The following ARSI variants were observed in gnomAD, a reference collection of about 807,000 sequenced individuals.
The protein encoded by ARSI is arylsulfatase I.
Under a neutral mutation model 42.1 loss-of-function variants are expected in ARSI, and 37 were observed. That is an observed-to-expected ratio of 0.88 (90% CI 0.68 to 1.16). The LOEUF (loss-of-function observed/expected upper bound fraction) is 1.16. ARSI is among the 50% of genes most tolerant of loss of function. ARSI has a pLI of 0.00. For missense variants in ARSI, 725 were observed against 790.1 expected (o/e 0.92, Z 0.99); for synonymous variants, 305 against 320.3 (o/e 0.95, Z 0.51).
Position 150,302,077 on chromosome 5 carries a change from C to A in ARSI, c.297G>T (p.Gln99His). The A allele has an allele frequency of 6.3e-7, 1 of 1,590,718 alleles. No homozygotes were observed. Among genetic ancestry groups the A allele is most frequent in the East Asian group, 2.3e-5 (1 of 44,048 alleles). The stretch of plus-strand genomic sequence containing the variant: ...GCCACGCCTACCTGCCAGTGAGGAG[C>A]TGGCTCCGCGAAGGCGTGCAGATGG... The part of the protein sequence containing the change: ...IQPICTPSRS[Q>H]LLTGRYQIHT... Residue 99 changes from glutamine (Q) to histidine (H), a missense_variant, in exon 1 of 2, where the codon CAG (glutamine) becomes CAT (histidine). Transcript: ENST00000328668. The surrounding 1 kb of genome is among the most constrained non-coding windows in gnomAD (Gnocchi z 6.1).
Position 150,298,475 on chromosome 5 carries a change from A to G in ARSI, c.449T>C (p.Leu150Pro). The change falls in exon 2 of 2, where the codon CTG (leucine) becomes CCG (proline). Residue 150 changes from leucine (L) to proline (P), a missense_variant. Transcript: ENST00000328668. ...YSTHMVGKWH[L>P]GFYRKECLPT... Reference sequence around the variant, plus strand: ...CAGACACTCCTTCCGGTAGAAGCCCAGGTGCCACTTGCCCACCATATGGGT... The same window carrying G: ...CAGACACTCCTTCCGGTAGAAGCCCGGGTGCCACTTGCCCACCATATGGGT... 6.2e-7 allele frequency: 1 copy of G among 1,614,222 alleles called. No individual in the cohort carries two copies. Among genetic ancestry groups the G allele is most frequent in the Non-Finnish European group, 8.5e-7 (1 of 1,180,036 alleles).
intron 1 of ARSI, among the ~76,000 whole-genome samples, chr5:150,299,381 C>T (rs2150320973): frequency 6.6e-6 from 1 of 152,126 alleles, no homozygotes; most frequent in South Asian, 2.1e-4. Context: ...GGATTATACT[C>T]GTCTGCACAT....
At position 150,302,121 on chromosome 5, in the gene ARSI, C is replaced by T. The variant is rs1364110080; in HGVS notation, c.253G>A (p.Glu85Lys). The change falls in exon 1 of 2, where the codon GAG becomes AAG. Residue 85 changes from glutamate (E) to lysine (K), a missense_variant. Transcript: ENST00000328668. This position sits in a 1 kb window ranked among gnomAD's most constrained non-coding sequence, Gnocchi z 6.1. The stretch of plus-strand genomic sequence containing the variant: ...CAGATGGGCTGGATGTAATAATTCT[C>T]CAACTTGACCCCCTTGGCCGCCAGC... ...DRLAAKGVKL[E>K]NYYIQPICTP... 1 of 1,610,880 alleles carries T rather than the reference C, an allele frequency of 6.2e-7. No individual in the cohort carries two copies. Among genetic ancestry groups the T allele is most frequent in the Non-Finnish European group, 8.5e-7 (1 of 1,178,940 alleles).
chr5:150,297,238 G>A lies in ARSI; in HGVS notation c.1686C>T (p.Thr562=). ...ATCAGATCCGTTGGGACATTAGCCTGGTGTTGAGTTTACGGAAAAAGGATC... is the reference window on the plus strand; with the variant it reads ...ATCAGATCCGTTGGGACATTAGCCTAGTGTTGAGTTTACGGAAAAAGGATC... The part of the protein sequence containing the change: ...KLRSFFRKLN[T]RLMSQRI Residue 562 remains threonine, a synonymous_variant, in exon 2 of 2, where the codon ACC becomes ACT. Coordinates refer to ENST00000328668, the MANE Select transcript of ARSI (RefSeq NM_001012301.4). This position sits in a 1 kb window ranked among gnomAD's most constrained non-coding sequence, Gnocchi z 7.0. 1 of 1,582,378 alleles carries A rather than the reference G, an allele frequency of 6.3e-7. No individual in the cohort carries two copies. Among genetic ancestry groups the A allele is most frequent in the Non-Finnish European group, 8.6e-7 (1 of 1,165,840 alleles).
chr5:150,302,457 C>T lies in ARSI; in HGVS notation c.-84G>A, dbSNP rs547948468. ...CGCCCAGGGCGCACCACCGGCCCGC[C>T]GGCTCGGATGCTGCGAGGGAGTTCA... On this transcript the variant is annotated 5_prime_UTR_variant, in exon 1 of 2. Transcript: ENST00000328668. The surrounding 1 kb of genome is among the most constrained non-coding windows in gnomAD (Gnocchi z 6.1). 3 of 1,085,650 alleles carry T rather than the reference C, an allele frequency of 2.8e-6. No individual in the cohort carries two copies. Among genetic ancestry groups the T allele is most frequent in the Non-Finnish European group, 3.7e-6 (3 of 821,444 alleles). 67.3% of individuals were successfully genotyped at this position (1,085,650 alleles called of 1,614,324 possible). A position where few individuals can be genotyped will look rare whatever the true frequency, so the allele number is the denominator to read the frequency against.
intron 1 of ARSI, among the ~76,000 whole-genome samples, chr5:150,300,484 A>G (rs924065893): frequency 1.3e-5 from 2 of 152,224 alleles, no homozygotes; most frequent in African/African-American, 4.8e-5. Context: ...CTGAGTCCCA[A>G]CTGGGCCGGT....
intron 1 of ARSI, among the ~76,000 whole-genome samples, chr5:150,299,329 C>T (rs1434806828): frequency 6.6e-6 from 1 of 152,178 alleles, no homozygotes; most frequent in Non-Finnish European, 1.5e-5. Flanking sequence ...TCTGGGTTCC[C>T]CTAGCATTTA....
Position 150,298,474 on chromosome 5 carries a change from C to T in ARSI, c.450G>A (p.Leu150=). 1 of 1,614,214 alleles carries T rather than the reference C, an allele frequency of 6.2e-7. No individual in the cohort carries two copies. Among genetic ancestry groups the T allele is most frequent in the South Asian group, 1.1e-5 (1 of 91,086 alleles). ...GCAGACACTCCTTCCGGTAGAAGCC[C>T]AGGTGCCACTTGCCCACCATATGGG... is the stretch of plus-strand genomic sequence containing the variant. ...YSTHMVGKWH[L]GFYRKECLPT... Residue 150 remains leucine (L), a synonymous_variant, in exon 2 of 2, where the codon CTG becomes CTA. Coordinates refer to ENST00000328668, the MANE Select transcript of ARSI (RefSeq NM_001012301.4).
At chr5:150,300,464 C>T (rs556983267) in intron 1 of ARSI, among the ~76,000 whole-genome samples, 1 of 152,178 alleles carries the variant, frequency 6.6e-6, no homozygotes, top group Non-Finnish European at 1.5e-5. Context: ...ATGAGAAGCA[C>T]CCTAGGGCCC....
chr5:150,297,943 G>T lies in ARSI; in HGVS notation c.981C>A (p.Gly327=). The change falls in exon 2 of 2, where the codon GGC becomes GGA. Residue 327 remains glycine (G), a synonymous_variant. Coordinates refer to ENST00000328668, the MANE Select transcript of ARSI (RefSeq NM_001012301.4). The surrounding 1 kb of genome is among the most constrained non-coding windows in gnomAD (Gnocchi z 7.0). ...GCTTGAGCAGGGGACTGTGGACAAA[G>T]CCTAGGCCCCGCACGCCACCTTCCC... is the stretch of plus-strand genomic sequence containing the variant. ...TYWEGGVRGL[G]FVHSPLLKRK... is the part of the protein sequence containing the mutation. 1 of 1,610,932 alleles carries T rather than the reference G, an allele frequency of 6.2e-7. No homozygotes were observed.
chr5:150,300,947 T>C (rs1463828559), intron 1 of ARSI, among the ~76,000 whole-genome samples: 1 of 152,182 alleles, frequency 6.6e-6, no homozygotes, highest in African/African-American at 2.4e-5. Context: ...TCCTTCTTTC[T>C]TCTGTTCTCC....
rs1297983887 is a variant in ARSI at position 150,297,206 on chromosome 5, C to A, written c.*8G>T. Reference sequence around the variant, plus strand: ...TCCTCTAAAGGACAGTTTTCTCCCTCCCCACCATCAGATCCGTTGGGACAT... The same window carrying A: ...TCCTCTAAAGGACAGTTTTCTCCCTACCCACCATCAGATCCGTTGGGACAT... On this transcript the variant is annotated 3_prime_UTR_variant, in exon 2 of 2. Transcript: ENST00000328668. This position sits in a 1 kb window ranked among gnomAD's most constrained non-coding sequence, Gnocchi z 7.0. 6.5e-7 allele frequency: 1 copy of A among 1,549,804 alleles called. No homozygotes were observed. Among genetic ancestry groups the A allele is most frequent in the African/African-American group, 1.4e-5 (1 of 72,716 alleles).
chr5:150,297,008 T>C lies in ARSI; in HGVS notation c.*206A>G. 2.0e-6 allele frequency: 1 copy of C among 501,482 alleles called. No individual in the cohort carries two copies. The highest frequency in any genetic ancestry group is 3.4e-6 in the Non-Finnish European group (1 of 292,376). 31.1% of individuals were successfully genotyped at this position (501,482 alleles called of 1,614,324 possible). ...CACCTGAGGTCACAGAGCAAGTCCG[T>C]GAGGAGGCAGGACTGAGACACAGGC... On this transcript the variant is annotated 3_prime_UTR_variant, in exon 2 of 2. Coordinates refer to ENST00000328668, the MANE Select transcript of ARSI (RefSeq NM_001012301.4). This position sits in a 1 kb window ranked among gnomAD's most constrained non-coding sequence, Gnocchi z 7.0.
chr5:150,301,182 G>C (rs947823217), intron 1 of ARSI, among the ~76,000 whole-genome samples: 1 of 152,162 alleles, frequency 6.6e-6, no homozygotes, highest in Non-Finnish European at 1.5e-5. Flanking sequence ...TAAGGCTTCT[G>C]GTTCCTGAGA....
chr5:150,298,237 G>A lies in ARSI; in HGVS notation c.687C>T (p.Leu229=). ...ILASHSPQRP[L]FLYVAFQAVH... The stretch of plus-strand genomic sequence containing the variant: ...CTGCCTGGAAGGCCACATAGAGGAA[G>A]AGGGGACGCTGAGGGCTGTGGCTGG... The change falls in exon 2 of 2, where the codon CTC becomes CTT. Residue 229 remains leucine, a synonymous_variant. Transcript: ENST00000328668. 1 of 1,614,196 alleles carries A rather than the reference G, an allele frequency of 6.2e-7. No homozygotes were observed. Among genetic ancestry groups the A allele is most frequent in the Non-Finnish European group, 8.5e-7 (1 of 1,180,036 alleles).
intron 1 of ARSI, among the ~76,000 whole-genome samples, chr5:150,301,172 T>A (rs980830847): frequency 6.6e-6 from 1 of 152,196 alleles, no homozygotes; most frequent in Non-Finnish European, 1.5e-5. Flanking sequence ...ACAGGGAGAC[T>A]AAGGCTTCTG....
At chr5:150,301,453 G>C (rs1243544839) in intron 1 of ARSI, among the ~76,000 whole-genome samples, 1 of 152,126 alleles carries the variant, frequency 6.6e-6, no homozygotes, top group South Asian at 2.1e-4. Context: ...AAAAACAGAG[G>C]CTCAGAGAAA....
At position 150,297,496 on chromosome 5, in the gene ARSI, G is replaced by A. The variant is rs373178236; in HGVS notation, c.1428C>T (p.Asp476=). 1.3e-5 allele frequency: 21 copies of A among 1,613,710 alleles called. No individual in the cohort carries two copies. The highest frequency in any genetic ancestry group is 1.8e-5 in the Non-Finnish European group (21 of 1,179,892). ...CCACATCAGGCCGCTGGCCAGCCAG[G>A]TCCTCCCGTTCATAAGGGTCAGCAC... The part of the protein sequence containing the change: ...NISADPYERE[D]LAGQRPDVVR... The change falls in exon 2 of 2, where the codon GAC becomes GAT. Residue 476 remains aspartate (D), a synonymous_variant. Coordinates refer to ENST00000328668, the MANE Select transcript of ARSI (RefSeq NM_001012301.4). This position sits in a 1 kb window ranked among gnomAD's most constrained non-coding sequence, Gnocchi z 7.0.
In ARSI at chr5:150,297,862, C is replaced by G; in HGVS notation, c.1062G>C (p.Leu354=). The change falls in exon 2 of 2, where the codon CTG becomes CTC. Residue 354 remains leucine, a synonymous_variant. Transcript: ENST00000328668. This position sits in a 1 kb window ranked among gnomAD's most constrained non-coding sequence, Gnocchi z 7.0. The part of the protein sequence containing the change: ...LMHITDWYPT[L]VGLAGGTTSA... ...AGGTGGTACCACCTGCCAGACCCAC[C>G]AGGGTCGGGTACCAGTCAGTGATGT... 1.1e-5 allele frequency: 18 copies of G among 1,611,772 alleles called. No homozygotes were observed. The highest frequency in any genetic ancestry group is 1.5e-5 in the Non-Finnish European group (18 of 1,179,190).
Sources: gnomAD v4.1 joint callset for allele counts (sites outside exome capture counted in the v4.1 genomes callset) on GRCh38, gnomAD v4.1.1 for gene constraint, Gnocchi (gnomAD v3.1) non-coding constraint, MANE v1.5 for transcripts, NCBI Gene and HGNC (gene_info 2026-07-23, HGNC 2026-07-21) for gene names.